The following CCDC180 variants were observed in gnomAD, a reference collection of about 807,000 sequenced individuals.
CCDC180 encodes the protein coiled-coil domain containing 180.
A neutral mutation model predicts 209.2 loss-of-function variants in CCDC180; 154 were observed. That is an observed-to-expected ratio of 0.74 (90% confidence interval 0.65 to 0.84). The LOEUF is 0.84. Ranked by LOEUF, CCDC180 falls within the 40% of genes least tolerant of loss-of-function variation. The pLI is 0.00. For synonymous variants in CCDC180, 778 were observed against 749.1 expected, an observed-to-expected ratio of 1.04 and a Z score of -0.63; for missense variants, 1,874 against 1,997.3, an observed-to-expected ratio of 0.94 and a Z score of 1.18.
At chr9:97,324,917 T>C in intron 13 of CCDC180, 102 bp from the exon 14 acceptor site, 3 of 1,098,864 alleles carry the variant, frequency 2.7e-6, no homozygotes, top group Non-Finnish European at 2.6e-6. Context: ...GTCTGGGCAA[T>C]ACTGTTCAGT....
In CCDC180 at chr9:97,357,725, C is replaced by A; in HGVS notation, c.3363C>A (p.Thr1121=). Residue 1121 remains threonine, a splice_region_variant and synonymous_variant, in exon 25 of 37, where the codon ACC becomes ACA. Transcript: ENST00000529487. ...KTCQESRGEK[T]TVTTEELLSF... ...GTCAAGAGTCCAGGGGAGAGAAAAC[C>A]GTAAGTGTTCAATAGATTCTGCATG... 6.3e-7 allele frequency: 1 copy of A among 1,589,686 alleles called. No individual in the cohort carries two copies. The highest frequency in any genetic ancestry group is 8.6e-7 in the Non-Finnish European group (1 of 1,161,612).
intron 35 of CCDC180, 72 bp from the exon 36 acceptor site, chr9:97,375,382 C>A: frequency 6.3e-7 from 1 of 1,582,618 alleles, no homozygotes; most frequent in South Asian, 1.1e-5. Context: ...TAAGCTTTTC[C>A]AACAGGGTTG....
At chr9:97,313,154 A>G (rs1469573153) in intron 4 of CCDC180, 82 bp from the exon 5 acceptor site, 4 of 849,846 alleles carry the variant, frequency 4.7e-6, no homozygotes, top group Admixed American at 1.8e-5. Flanking sequence ...GCCAGGCCTC[A>G]GTGTGCAGGG....
At chr9:97,330,844 C>G (rs1056176687) in intron 18 of CCDC180, 77 bp downstream of exon 18, 1 of 1,382,768 alleles carries the variant, frequency 7.2e-7, no homozygotes, top group African/African-American at 1.4e-5. Context: ...CTAGTGTAAG[C>G]TGGGGTCTTC....
intron 25 of CCDC180, 27 bp downstream of exon 25, chr9:97,357,752 G>A (rs1826623422): frequency 8.2e-6 from 12 of 1,458,354 alleles, no homozygotes; most frequent in Non-Finnish European, 1.1e-5. Flanking sequence ...TTCTGCATGT[G>A]AATAATAAAG....
intron 14 of CCDC180, 66 bp from the exon 15 acceptor site, chr9:97,326,488 G>T: frequency 1.1e-6 from 1 of 930,936 alleles, no homozygotes; most frequent in Non-Finnish European, 1.8e-6. Context: ...GTCCCTGCAG[G>T]TCACTTACAC....
chr9:97,329,485 C>G (rs909815139), intron 16 of CCDC180, among the ~76,000 whole-genome samples: 3 of 152,344 alleles, frequency 2.0e-5, no homozygotes, highest in Admixed American at 1.3e-4. Context: ...GTAAATCATG[C>G]CTGTTGTGTC....
At position 97,343,452 on chromosome 9, in the gene CCDC180, G is replaced by A. The variant is rs1218362042; in HGVS notation, c.2387G>A (p.Cys796Tyr). The A allele has an allele frequency of 3.1e-6, 5 of 1,613,856 alleles. No individual in the cohort carries two copies. The highest frequency in any genetic ancestry group is 1.3e-5 in the African/African-American group (1 of 74,920). ...FVFVPLEEEH[C>Y]RKSHSTFSAM... ...TTTGTACCCCTGGAAGAAGAGCATT[G>A]TAGGAAGTCCCATTCCACCTTCTCA... The change falls in exon 19 of 37, where the codon TGT becomes TAT. Residue 796 changes from cysteine (C) to tyrosine (Y), a missense_variant. Cys to Tyr is a radical substitution (Grantham distance 194). Coordinates refer to ENST00000529487, the MANE Select transcript of CCDC180 (RefSeq NM_020893.6).
chr9:97,337,369 A>C (rs1482257094), intron 18 of CCDC180, among the ~76,000 whole-genome samples: 1 of 152,136 alleles, frequency 6.6e-6, no homozygotes, highest in African/African-American at 2.4e-5. Context: ...AGCTTTTAGC[A>C]TGAAGGCTGT....
chr9:97,319,757 G>T (rs962917471), intron 10 of CCDC180, among the ~76,000 whole-genome samples: 9 of 152,150 alleles, frequency 5.9e-5, no homozygotes, highest in Non-Finnish European at 1.2e-4. Context: ...ATCATCATGT[G>T]TGTTTATGAA....
Position 97,314,873 on chromosome 9 carries a change from A to G in CCDC180, c.722A>G (p.Tyr241Cys). ...TDKLKSVLKKYAEVIEKTSYL... is the reference protein window; with the variant it reads ...TDKLKSVLKKCAEVIEKTSYL... Reference sequence around the variant, plus strand: ...TAGCTAAAAAGCGTGTTGAAGAAATATGCAGAAGTCATAGAGAAAACTTCC... The same window carrying G: ...TAGCTAAAAAGCGTGTTGAAGAAATGTGCAGAAGTCATAGAGAAAACTTCC... The change falls in exon 8 of 37, where the codon TAT (tyrosine) becomes TGT (cysteine). Residue 241 changes from tyrosine (Y) to cysteine (C), a missense_variant. Physicochemically the swap from Tyr to Cys is radical, Grantham distance 194 (BLOSUM62 -2). Transcript: ENST00000529487. 1 of 1,614,130 alleles carries G rather than the reference A, an allele frequency of 6.2e-7. No homozygotes were observed. Among genetic ancestry groups the G allele is most frequent in the Non-Finnish European group, 8.5e-7 (1 of 1,179,960 alleles).
chr9:97,362,599 T>G (rs1363529451), intron 28 of CCDC180, among the ~76,000 whole-genome samples, 158 bp downstream of exon 28: 1 of 152,148 alleles, frequency 6.6e-6, no homozygotes, highest in East Asian at 1.9e-4. Context: ...AGCGCCATCC[T>G]TAGTTTGCTG....
chr9:97,350,676 A>T, intron 22 of CCDC180, 121 bp downstream of exon 22: 1 of 1,101,338 alleles, frequency 9.1e-7, no homozygotes, highest in Middle Eastern at 2.8e-4. Flanking sequence ...TTAACATCTT[A>T]ACCATTTTTA....
chr9:97,356,751 A>G (rs1826596717), intron 24 of CCDC180, among the ~76,000 whole-genome samples: 2 of 152,250 alleles, frequency 1.3e-5, no homozygotes, highest in South Asian at 2.1e-4. Context: ...ATTTCAAAAT[A>G]TCTAACACCT....
At chr9:97,354,193 C>A (rs10817487) in intron 22 of CCDC180, among the ~76,000 whole-genome samples, 81,300 of 151,604 alleles carry the variant, frequency 0.54, 22,935 homozygotes, top group African/African-American at 0.69. Flanking sequence ...AGACAGGGTC[C>A]TGCTGCCCAG....
chr9:97,348,354 A>C (rs1362644045), intron 20 of CCDC180, among the ~76,000 whole-genome samples: 1 of 152,182 alleles, frequency 6.6e-6, no homozygotes, highest in African/African-American at 2.4e-5. Context: ...CATTGTTCTC[A>C]TCTGGAAAAT....
At chr9:97,335,176 T>A (rs1825864422) in intron 18 of CCDC180, among the ~76,000 whole-genome samples, 1 of 152,056 alleles carries the variant, frequency 6.6e-6, no homozygotes, top group African/African-American at 2.4e-5. Flanking sequence ...CTTTTTTTAT[T>A]TTAAAACTTT....
intron 19 of CCDC180, among the ~76,000 whole-genome samples, chr9:97,346,797 G>A (rs530680765): frequency 3.4e-4 from 52 of 152,226 alleles, no homozygotes; most frequent in East Asian, 7.7e-4. Context: ...GGCTGGTCTC[G>A]AACTCCTAGG....
At chr9:97,307,463 C>G (rs1832829532), upstream of CCDC180, 1 of 594,900 alleles carries the variant, frequency 1.7e-6, no homozygotes, top group Admixed American at 2.5e-5. Context: ...GCTGCTCAGT[C>G]TACTTGGCGG....
Sources: gnomAD v4.1 joint callset for allele counts (sites outside exome capture counted in the v4.1 genomes callset) on GRCh38, gnomAD v4.1.1 for gene constraint, MANE v1.5 for transcripts, NCBI Gene and HGNC (gene_info 2026-07-23, HGNC 2026-07-21) for gene names.